Variants in NOC2L observed in about 807,000 individuals in gnomAD.
The protein encoded by NOC2L is NOC2 like nucleolar associated transcriptional repressor.
A neutral mutation model predicts 94.2 loss-of-function variants in NOC2L; 101 were observed. The observed-to-expected ratio is 1.07, with a 90% CI of 0.91 to 1.26. The LOEUF is 1.26. NOC2L is among the 50% of genes most tolerant of loss of function. NOC2L has a pLI of 0.00. For synonymous variants in NOC2L, 531 were observed against 413.4 expected, an observed-to-expected ratio of 1.28 and a Z score of -3.45; for missense variants, 1,076 against 980.1, an observed-to-expected ratio of 1.10 and a Z score of -1.31.
At chr1:955,524 C>T (rs1055152093) in intron 6 of NOC2L, among the ~76,000 whole-genome samples, 1 of 152,226 alleles carries the variant, frequency 6.6e-6, no homozygotes. Flanking sequence ...TGATGAGGCC[C>T]CTGTCTACAG....
Position 957,148 on chromosome 1 carries a change from C to T in NOC2L, c.305G>A (p.Ser102Asn). 6.2e-7 allele frequency: 1 copy of T among 1,614,108 alleles called. No individual in the cohort carries two copies. Among genetic ancestry groups the T allele is most frequent in the Non-Finnish European group, 8.5e-7 (1 of 1,180,038 alleles). Reference sequence around the variant, plus strand: ...GAACGGCCCCTCTTCCTCCTCAGAGCTGTCCGAGTCGCTGAAGTTTAGCAG... The same window carrying T: ...GAACGGCCCCTCTTCCTCCTCAGAGTTGTCCGAGTCGCTGAAGTTTAGCAG... The part of the protein sequence containing the change: ...QSLLNFSDSD[S>N]SEEEEGPFHS... Residue 102 changes from serine to asparagine, a missense_variant, in exon 3 of 19, where the codon AGC (serine) becomes AAC (asparagine). Physicochemically the swap from Ser to Asn is conservative, Grantham distance 46. Coordinates refer to ENST00000327044, the MANE Select transcript of NOC2L (RefSeq NM_015658.4).
In NOC2L at chr1:952,067, C is replaced by G; in HGVS notation, c.1264G>C (p.Ala422Pro). ...GGCTGGAGGGCTTCGCTGGGGCCCGCAGTGCTCAGGACCCGGCACCACAGG... is the reference window on the plus strand; with the variant it reads ...GGCTGGAGGGCTTCGCTGGGGCCCGGAGTGCTCAGGACCCGGCACCACAGG... Reference protein sequence around the residue: ...LFLWCRVLSTAGPSEALQPLV... With the variant: ...LFLWCRVLSTPGPSEALQPLV... The change falls in exon 11 of 19, where the codon GCG becomes CCG. Residue 422 changes from alanine (A) to proline (P), a missense_variant. Ala to Pro is a conservative substitution (Grantham distance 27). Around this residue, in one of 3 missense-constraint regions of NOC2L, gnomAD observed 615 missense variants for 577.4 expected, o/e 1.07. Transcript: ENST00000327044. 6.2e-7 allele frequency: 1 copy of G among 1,613,704 alleles called. No individual in the cohort carries two copies. The highest frequency in any genetic ancestry group is 8.5e-7 in the Non-Finnish European group (1 of 1,179,964).
At chr1:946,644 AC>A in intron 14 of NOC2L, 99 bp from the exon 15 acceptor site, 1 of 1,421,428 alleles carries the variant, frequency 7.0e-7, no homozygotes, top group Non-Finnish European at 9.6e-7. Flanking sequence ...CCACGGGGAT[AC>A]CCCAGGAGGG....
chr1:951,451 G>GGGTCA (rs201063168), intron 11 of NOC2L, among the ~76,000 whole-genome samples: 2,466 of 152,210 alleles, frequency 0.016, 65 homozygotes, highest in African/African-American at 0.056. Context: ...ACGGTGGCAG[G>GGGTCA]GGTCATCTGT....
chr1:944,469 C>G lies in NOC2L; in HGVS notation c.*225G>C, dbSNP rs1205297956. 4 of 735,714 alleles carry G rather than the reference C, an allele frequency of 5.4e-6. No individual in the cohort carries two copies. The African/African-American group carries it at 7.3e-5, about 13-fold the overall frequency. 45.6% of individuals were successfully genotyped at this position (735,714 alleles called of 1,614,324 possible). On this transcript the variant is annotated 3_prime_UTR_variant, in exon 19 of 19. Transcript: ENST00000327044. ...AGGGTCAGCTCCCCCGCGGAGCTGACTTCAGCAGCCCACAGCTGTGGGGCT... is the reference window on the plus strand; with the variant it reads ...AGGGTCAGCTCCCCCGCGGAGCTGAGTTCAGCAGCCCACAGCTGTGGGGCT...
Position 957,134 on chromosome 1 carries a change from C to T in NOC2L, c.319G>A (p.Glu107Lys), listed in dbSNP as rs776228680. ...FSDSDSSEEE[E>K]GPFHSLPDVL... Reference sequence around the variant, plus strand: ...TCTGGCAGGGAGTGGAACGGCCCCTCTTCCTCCTCAGAGCTGTCCGAGTCG... The same window carrying T: ...TCTGGCAGGGAGTGGAACGGCCCCTTTTCCTCCTCAGAGCTGTCCGAGTCG... Residue 107 changes from glutamate to lysine, a missense_variant, in exon 3 of 19, where the codon GAG (glutamate) becomes AAG (lysine). Physicochemically the swap from Glu to Lys is moderately conservative, Grantham distance 56. Around this residue, in one of 3 missense-constraint regions of NOC2L, gnomAD observed 457 missense variants for 386.0 expected, o/e 1.18. Coordinates refer to ENST00000327044, the MANE Select transcript of NOC2L (RefSeq NM_015658.4). 2.4e-5 allele frequency: 38 copies of T among 1,614,082 alleles called. No homozygotes were observed. Among genetic ancestry groups the T allele is most frequent in the South Asian group, 1.9e-4 (17 of 91,090 alleles).
intron 11 of NOC2L, among the ~76,000 whole-genome samples, chr1:951,510 G>T (rs1269136339): frequency 1.3e-5 from 2 of 152,086 alleles, no homozygotes; most frequent in African/African-American, 4.8e-5. Flanking sequence ...TCTTCCCTTG[G>T]ACTTCCCACC....
intron 6 of NOC2L, 51 bp from the exon 7 acceptor site, chr1:954,133 G>C (rs191707067): frequency 6.4e-7 from 1 of 1,571,090 alleles, no homozygotes; most frequent in Non-Finnish European, 8.7e-7. Context: ...GCTCGGACGC[G>C]AGGCTGCTCA....
In NOC2L at chr1:944,661, G is replaced by T; in HGVS notation, c.*33C>A. The T allele has an allele frequency of 7.2e-7, 1 of 1,389,186 alleles. No homozygotes were observed. The highest frequency in any genetic ancestry group is 1.2e-5 in the South Asian group (1 of 84,024). The allele number at this position is 1,389,186 out of a possible 1,614,324, so 86.1% of individuals were successfully genotyped here. On this transcript the variant is annotated 3_prime_UTR_variant, in exon 19 of 19. Transcript: ENST00000327044. ...AGGTGGAAACACTGGCCACCAGCCCGGCAGCCCCTACAGGCCCCCCAGATG... is the reference window on the plus strand; with the variant it reads ...AGGTGGAAACACTGGCCACCAGCCCTGCAGCCCCTACAGGCCCCCCAGATG...
At chr1:955,420 T>G (rs1403517067) in intron 6 of NOC2L, among the ~76,000 whole-genome samples, 1 of 152,238 alleles carries the variant, frequency 6.6e-6, no homozygotes, top group Non-Finnish European at 1.5e-5. Flanking sequence ...ACCAAATGCT[T>G]GGCCGTGCGT....
Position 944,515 on chromosome 1 carries a change from G to T in NOC2L, c.*179C>A, listed in dbSNP as rs1038374232. ...GGGCTTCAGCAGCCACACCAGCCCA[G>T]CCCAGCCCAGCTCTCGATACGTTTG... On this transcript the variant is annotated 3_prime_UTR_variant, in exon 19 of 19. Coordinates refer to ENST00000327044, the MANE Select transcript of NOC2L (RefSeq NM_015658.4). 1 of 626,888 alleles carries T rather than the reference G, an allele frequency of 1.6e-6. No homozygotes were observed. Among genetic ancestry groups the T allele is most frequent in the Non-Finnish European group, 2.7e-6 (1 of 372,714 alleles). The allele number at this position is 626,888 out of a possible 1,614,324, so 38.8% of individuals were successfully genotyped here.
chr1:954,183 C>T lies in NOC2L; in HGVS notation c.699-101G>A, dbSNP rs754654418. 3 of 1,082,292 alleles carry T rather than the reference C, an allele frequency of 2.8e-6. No homozygotes were observed. The East Asian group carries it at 7.5e-5, about 27-fold the overall frequency. 67.0% of individuals were successfully genotyped at this position (1,082,292 alleles called of 1,614,324 possible). Reference sequence around the variant, plus strand: ...GCCCTGGCCAGCATAGCCTCTACGACTCTGCAGAGACCCCCCGTCTCTCCA... The same window carrying T: ...GCCCTGGCCAGCATAGCCTCTACGATTCTGCAGAGACCCCCCGTCTCTCCA... On this transcript the variant is annotated intron_variant, in intron 6 of 18. Coordinates refer to ENST00000327044, the MANE Select transcript of NOC2L (RefSeq NM_015658.4).
chr1:945,746 C>A, intron 16 of NOC2L, 93 bp from the exon 17 acceptor site: 1 of 1,506,592 alleles, frequency 6.6e-7, no homozygotes, highest in Non-Finnish European at 9.1e-7. Flanking sequence ...CCACCAGGGC[C>A]CCATGTGGCC....
intron 9 of NOC2L, 143 bp downstream of exon 9, chr1:953,032 T>C: frequency 1.6e-6 from 1 of 643,848 alleles, no homozygotes. Context: ...TGTGAGACAT[T>C]CGTGATCCAA....
At chr1:957,548 C>G (rs1310690183) in intron 2 of NOC2L, 1 of 446,312 alleles carries the variant, frequency 2.2e-6, no homozygotes, top group African/African-American at 2.0e-5. Context: ...CTTCCCTGGA[C>G]TTGCTGTGCC....
At chr1:949,293 G>A (rs535188995) in intron 12 of NOC2L, among the ~76,000 whole-genome samples, 85 of 152,304 alleles carry the variant, frequency 5.6e-4, no homozygotes, top group Admixed American at 1.6e-3. Flanking sequence ...AGCAGATTAT[G>A]GGGGGCCCAA....
Position 948,556 on chromosome 1 carries a change from G to A in NOC2L, c.1491C>T (p.Ser497=), listed in dbSNP as rs1438734277. 1 of 1,613,710 alleles carries A rather than the reference G, an allele frequency of 6.2e-7. No homozygotes were observed. The highest frequency in any genetic ancestry group is 8.5e-7 in the Non-Finnish European group (1 of 1,179,974). ...DFNRKPGRMS[S]KPINFSVILK... The stretch of plus-strand genomic sequence containing the variant: ...GGATCACGGAGAAGTTGATGGGCTT[G>A]GAGCTCATGCGCCCTGGCTTCCTGT... Residue 497 remains serine (S), a synonymous_variant, in exon 13 of 19, where the codon TCC becomes TCT. Transcript: ENST00000327044.
intron 13 of NOC2L, 55 bp downstream of exon 13, chr1:948,435 C>T (rs1026484897): frequency 2.0e-5 from 27 of 1,370,074 alleles, no homozygotes; most frequent in Non-Finnish European, 1.9e-5. Flanking sequence ...CACCTCAGCA[C>T]CCCCAACCCC....
rs74045017 is a variant in NOC2L at position 951,097 on chromosome 1, G to A, written c.1443+30C>T. Reference sequence around the variant, plus strand: ...ATGCTCCCTACAGGAGCAGGCAGAGGTGCCACACGCCCACCACAGCCTCAC... The same window carrying A: ...ATGCTCCCTACAGGAGCAGGCAGAGATGCCACACGCCCACCACAGCCTCAC... On this transcript the variant is annotated intron_variant, in intron 12 of 18. Coordinates refer to ENST00000327044, the MANE Select transcript of NOC2L (RefSeq NM_015658.4). The A allele has an allele frequency of 5.0e-3, 7,485 of 1,495,266 alleles. 199 individuals carry two copies. The African/African-American group carries it at 0.07, about 14-fold the overall frequency. 92.6% of individuals were successfully genotyped at this position (1,495,266 alleles called of 1,614,324 possible).
Sources: allele counts gnomAD v4.1 joint callset (sites outside exome capture counted in the v4.1 genomes callset), GRCh38; gene constraint gnomAD v4.1.1; regional missense constraint gnomAD v4.1.1; transcripts MANE v1.5; gene names NCBI Gene and HGNC (gene_info 2026-07-23, HGNC 2026-07-21).